CYTH3: variants seen among roughly 807,000 people sequenced by gnomAD.
CYTH3 encodes the protein cytohesin-3.
In CYTH3, 23 loss-of-function variants were observed where a neutral mutation model predicts 55.1. The ratio of observed to expected loss-of-function variants is 0.42; its 90% CI spans 0.30 to 0.59. The LOEUF (loss-of-function observed/expected upper bound fraction) is 0.59. Ranked by LOEUF, CYTH3 falls within the 20% of genes least tolerant of loss-of-function variation. CYTH3 has a pLI of 0.20. For missense variants in CYTH3, 413 were observed against 524.8 expected (o/e 0.79, Z 2.08); for synonymous variants, 249 against 194.9 (o/e 1.28, Z -2.31).
At chr7:6,264,527 G>A (rs887328869) in intron 1 of CYTH3, among the ~76,000 whole-genome samples, 1 of 152,060 alleles carries the variant, frequency 6.6e-6, no homozygotes, top group African/African-American at 2.4e-5. Context: ...CAGAAGAATC[G>A]CTTGCACCCA....
At chr7:6,248,868 G>C (rs1159600943) in intron 1 of CYTH3, among the ~76,000 whole-genome samples, 1 of 152,270 alleles carries the variant, frequency 6.6e-6, no homozygotes. Context: ...TCACTTCCAT[G>C]GGGATCTGGT....
In CYTH3 at chr7:6,164,614, T is replaced by TCC. The variant is rs1782931637; in HGVS notation, c.*328_*329dup. 2.7e-6 allele frequency: 1 copy of TCC among 364,674 alleles called. No individual in the cohort carries two copies. Among genetic ancestry groups the TCC allele is most frequent in the South Asian group, 3.2e-5 (1 of 31,292 alleles). The allele number at this position is 364,674 out of a possible 1,614,324, so 22.6% of individuals were successfully genotyped here. On this transcript the variant is annotated 3_prime_UTR_variant, in exon 13 of 13. Transcript: ENST00000350796. ...CAGCGGAAGCTGCTGTCCTGGCTTCTCCCCCTAGGGGCGCCGGGATGGTCG... is the reference window on the plus strand; with the variant it reads ...CAGCGGAAGCTGCTGTCCTGGCTTCTCCCCCCCTAGGGGCGCCGGGATGGTCG...
At chr7:6,214,354 C>T (rs1050372294) in intron 1 of CYTH3, among the ~76,000 whole-genome samples, 1 of 152,104 alleles carries the variant, frequency 6.6e-6, no homozygotes. Context: ...TTTTAAAAGC[C>T]TTGACTATTA....
At chr7:6,272,409 C>CGGGGGGGGGGGCCG in intron 1 of CYTH3, 65 bp downstream of exon 1, 1 of 1,212,390 alleles carries the variant, frequency 8.2e-7, no homozygotes, top group Non-Finnish European at 1.1e-6. Flanking sequence ...GCCGCGCCCT[C>CGGGGGGGGGGGCCG]GACCCCCAGC....
At chr7:6,199,620 A>G (rs774086738) in intron 1 of CYTH3, among the ~76,000 whole-genome samples, 1 of 152,268 alleles carries the variant, frequency 6.6e-6, no homozygotes, top group Non-Finnish European at 1.5e-5. Flanking sequence ...GCACATCTGC[A>G]CTACAAGAAA....
At chr7:6,264,019 G>A (rs780686892) in intron 1 of CYTH3, among the ~76,000 whole-genome samples, 46 of 152,068 alleles carry the variant, frequency 3.0e-4, no homozygotes, top group Middle Eastern at 6.8e-3. Flanking sequence ...GGCTGAGGCC[G>A]GCAGATCATC....
intron 5 of CYTH3, among the ~76,000 whole-genome samples, chr7:6,177,210 G>A (rs767933883): frequency 2.3e-4 from 35 of 152,276 alleles, no homozygotes; most frequent in Admixed American, 5.2e-4. Context: ...TTCCACTTTC[G>A]ATCAAATATT....
intron 5 of CYTH3, among the ~76,000 whole-genome samples, chr7:6,175,770 C>A (rs188118698): frequency 1.1e-3 from 162 of 152,226 alleles, no homozygotes; most frequent in African/African-American, 3.4e-3. Context: ...TGGTCTTAAA[C>A]TCCTGACCTC....
intron 6 of CYTH3, 136 bp downstream of exon 6, chr7:6,173,517 T>C (rs1299620442): frequency 8.7e-6 from 6 of 690,364 alleles, no homozygotes; most frequent in Admixed American, 2.1e-5. Flanking sequence ...AGCTGGATCA[T>C]CCGGAAAAGG....
At chr7:6,188,506 G>C (rs1413399769) in intron 2 of CYTH3, among the ~76,000 whole-genome samples, 1 of 152,068 alleles carries the variant, frequency 6.6e-6, no homozygotes, top group African/African-American at 2.4e-5. Flanking sequence ...GGTGTGTTTA[G>C]ATCGGTGGTC....
At chr7:6,184,768 G>C (rs924713884) in intron 4 of CYTH3, among the ~76,000 whole-genome samples, 1 of 152,064 alleles carries the variant, frequency 6.6e-6, no homozygotes, top group African/African-American at 2.4e-5. Context: ...AGTAGAGATG[G>C]AGTTTCACCA....
chr7:6,172,556 C>A (rs954557445), intron 6 of CYTH3, among the ~76,000 whole-genome samples: 4 of 152,236 alleles, frequency 2.6e-5, no homozygotes, highest in African/African-American at 4.8e-5. Context: ...GCCACAGGAC[C>A]TGCCTGTATT....
At chr7:6,216,005 C>T (rs905602573) in intron 1 of CYTH3, among the ~76,000 whole-genome samples, 2 of 152,170 alleles carry the variant, frequency 1.3e-5, no homozygotes, top group African/African-American at 4.8e-5. Context: ...AAAACGAAAA[C>T]AACTTGTCAC....
At position 6,171,278 on chromosome 7, in the gene CYTH3, C is replaced by T. The variant is rs760794383; in HGVS notation, c.486G>A (p.Ala162=). ...FLWSFRLPGE[A]QKIDRMMEAF... ...CCTCCATCATGCGATCAATCTTCTG[C>T]GCCTCCCCGGGCAGCCTGAAGCTCC... is the stretch of plus-strand genomic sequence containing the variant. Residue 162 remains alanine, a synonymous_variant, in exon 7 of 13, where the codon GCG becomes GCA. Coordinates refer to ENST00000350796, the MANE Select transcript of CYTH3 (RefSeq NM_004227.4). This position sits in a 1 kb window ranked among gnomAD's most constrained non-coding sequence, Gnocchi z 6.7. 2.2e-5 allele frequency: 36 copies of T among 1,614,054 alleles called. No individual in the cohort carries two copies. Among genetic ancestry groups the T allele is most frequent in the Middle Eastern group, 1.6e-4 (1 of 6,082 alleles).
At chr7:6,176,254 ATTTTTTTTTTT>A (rs776819156) in intron 5 of CYTH3, among the ~76,000 whole-genome samples, 1 of 82,866 alleles carries the variant, frequency 1.2e-5, no homozygotes, top group Admixed American at 1.5e-4. Flanking sequence ...AATACAATTG[ATTTTTTTTTTT>A]TTTTTTTTTT....
At position 6,252,723 on chromosome 7, in the gene CYTH3, C is replaced by T. The variant is rs1219016768; in HGVS notation, c.34+19751G>A. On this transcript the variant is annotated intron_variant, in intron 1 of 12. Transcript: ENST00000350796. Reference sequence around the variant, plus strand: ...TGAGGGAGGGAAGAAGAAAAAGATGCATTCCTGAGAGATTTAAGGTTTAGT... The same window carrying T: ...TGAGGGAGGGAAGAAGAAAAAGATGTATTCCTGAGAGATTTAAGGTTTAGT... Among the ~76,000 whole-genome samples, 3 of 152,158 alleles carry T rather than the reference C, an allele frequency of 2.0e-5. No homozygotes were observed. The East Asian group carries it at 5.8e-4, about 29-fold the overall frequency.
At chr7:6,181,400 G>A (rs1783499270) in intron 4 of CYTH3, among the ~76,000 whole-genome samples, 1 of 152,224 alleles carries the variant, frequency 6.6e-6, no homozygotes, top group Non-Finnish European at 1.5e-5. Flanking sequence ...AGGACAGACA[G>A]AATTTGGGGT....
chr7:6,190,420 GATTTTTGGT>G lies in CYTH3; in HGVS notation c.117+20_117+28del. On this transcript the variant is annotated intron_variant, in intron 2 of 12. Coordinates refer to ENST00000350796, the MANE Select transcript of CYTH3 (RefSeq NM_004227.4). ...CTCAAAAGCAAAAAACAGAGTTTTG[GATTTTTGGT>G]TTTTTTTTTTTTTTTTTACCTCAAT... 1 of 1,397,132 alleles carries G rather than the reference GATTTTTGGT, an allele frequency of 7.2e-7. No individual in the cohort carries two copies. Among genetic ancestry groups the G allele is most frequent in the Non-Finnish European group, 9.3e-7 (1 of 1,075,416 alleles). 86.5% of individuals were successfully genotyped at this position (1,397,132 alleles called of 1,614,324 possible). A position where few individuals can be genotyped will look rare whatever the true frequency, so the allele number is the denominator to read the frequency against.
At chr7:6,249,422 A>G (rs1437739610) in intron 1 of CYTH3, among the ~76,000 whole-genome samples, 1 of 152,248 alleles carries the variant, frequency 6.6e-6, no homozygotes, top group East Asian at 1.9e-4. Flanking sequence ...TCAAAACAAG[A>G]GGAACAGGAA....
Sources: allele counts gnomAD v4.1 joint callset (sites outside exome capture counted in the v4.1 genomes callset), GRCh38; gene constraint gnomAD v4.1.1; non-coding constraint Gnocchi (gnomAD v3.1); transcripts MANE v1.5; gene names NCBI Gene and HGNC (gene_info 2026-07-23, HGNC 2026-07-21).